SNTB1: variants seen among roughly 807,000 people sequenced by gnomAD.
SNTB1 encodes the protein syntrophin beta 1, also known as beta-1-syntrophin.
In SNTB1, 36 loss-of-function variants were observed where a neutral mutation model predicts 48.9. That is an observed-to-expected ratio of 0.74 (90% CI 0.56 to 0.97). The LOEUF (loss-of-function observed/expected upper bound fraction) is 0.97, where lower values mean the gene tolerates loss of function less well. SNTB1 is among the 50% of genes least tolerant of loss of function. SNTB1 has a pLI of 0.00. For missense variants in SNTB1, 786 were observed against 703.4 expected (o/e 1.12, Z -1.33); for synonymous variants, 299 against 294.6 (o/e 1.01, Z -0.15).
At chr8:120,781,369 C>T (rs550188701) in intron 1 of SNTB1, among the ~76,000 whole-genome samples, 34 of 151,992 alleles carry the variant, frequency 2.2e-4, no homozygotes, top group Admixed American at 1.0e-3. Flanking sequence ...CTGTATTTTG[C>T]CATTTTTTTT....
Position 120,632,640 on chromosome 8 carries a change from A to G in SNTB1, c.800T>C (p.Ile267Thr). Reference sequence around the variant, plus strand: ...CGTGTGCTTAGCATCTGGAGAGTGGATTTCAAGCTGCCTAGAGGAGCACAG... The same window carrying G: ...CGTGTGCTTAGCATCTGGAGAGTGGGTTTCAAGCTGCCTAGAGGAGCACAG... ...LADPENRQLE[I>T]HSPDAKHTVI... The change falls in exon 3 of 7, where the codon ATC (isoleucine) becomes ACC (threonine). Residue 267 changes from isoleucine to threonine, a missense_variant. Ile to Thr is a moderately conservative substitution (Grantham distance 89). Coordinates refer to ENST00000517992, the MANE Select transcript of SNTB1 (RefSeq NM_021021.4). 1 of 1,614,080 alleles carries G rather than the reference A, an allele frequency of 6.2e-7. No homozygotes were observed. Among genetic ancestry groups the G allele is most frequent in the Non-Finnish European group, 8.5e-7 (1 of 1,179,992 alleles).
intron 4 of SNTB1, among the ~76,000 whole-genome samples, chr8:120,564,817 C>T (rs764913614): frequency 6.6e-6 from 1 of 151,652 alleles, no homozygotes; most frequent in Non-Finnish European, 1.5e-5. Context: ...GTGATCCACC[C>T]GCCTCGGCCT....
At chr8:120,543,367 G>T (rs1815323738) in intron 5 of SNTB1, among the ~76,000 whole-genome samples, 1 of 152,104 alleles carries the variant, frequency 6.6e-6, no homozygotes, top group South Asian at 2.1e-4. Flanking sequence ...GATGGGGCTT[G>T]GAGGCATAAG....
At chr8:120,567,186 C>A (rs1197047972) in intron 4 of SNTB1, among the ~76,000 whole-genome samples, 1 of 152,038 alleles carries the variant, frequency 6.6e-6, no homozygotes, top group East Asian at 1.9e-4. Context: ...ATGCGGTAAC[C>A]CTGAGAAACA....
chr8:120,646,668 T>C (rs1222501250), intron 2 of SNTB1, among the ~76,000 whole-genome samples: 2 of 151,864 alleles, frequency 1.3e-5, no homozygotes, highest in Admixed American at 1.3e-4. Flanking sequence ...ATCAGAATGA[T>C]GCTGGCCTCA....
intron 2 of SNTB1, among the ~76,000 whole-genome samples, chr8:120,681,776 C>T (rs1817935117): frequency 6.6e-6 from 1 of 152,140 alleles, no homozygotes; most frequent in African/African-American, 2.4e-5. Context: ...ACATCCCCCT[C>T]CCCACTCCCC....
chr8:120,686,200 C>T (rs1407051546), intron 2 of SNTB1, among the ~76,000 whole-genome samples: 1 of 152,266 alleles, frequency 6.6e-6, no homozygotes, highest in Non-Finnish European at 1.5e-5. Flanking sequence ...ACCCATTACC[C>T]AGTTCCAAAA....
chr8:120,727,948 T>C (rs1818788518), intron 1 of SNTB1, among the ~76,000 whole-genome samples: 1 of 152,226 alleles, frequency 6.6e-6, no homozygotes, highest in African/African-American at 2.4e-5. Flanking sequence ...GGTATTACTA[T>C]GCAGATATTC....
intron 1 of SNTB1, among the ~76,000 whole-genome samples, chr8:120,801,711 C>A (rs769017153): frequency 2.6e-5 from 4 of 152,062 alleles, no homozygotes; most frequent in Non-Finnish European, 2.9e-5. Flanking sequence ...ATCTTAAAAT[C>A]CCTGGAGACT....
intron 2 of SNTB1, among the ~76,000 whole-genome samples, chr8:120,639,885 T>A (rs541431420): frequency 6.6e-6 from 1 of 152,336 alleles, no homozygotes; most frequent in East Asian, 1.9e-4. Context: ...CCATACGAAC[T>A]TTAAAGTAGT....
chr8:120,655,846 A>G (rs1416700296), intron 2 of SNTB1, among the ~76,000 whole-genome samples: 2 of 152,196 alleles, frequency 1.3e-5, no homozygotes, highest in African/African-American at 2.4e-5. Context: ...CAGGAAGTAA[A>G]TGTGCATAGA....
chr8:120,811,114 A>G (rs1034991539), intron 1 of SNTB1, among the ~76,000 whole-genome samples, 159 bp downstream of exon 1: 1 of 140,206 alleles, frequency 7.1e-6, no homozygotes, highest in Non-Finnish European at 1.6e-5. Context: ...CTATGCTGCC[A>G]CCCCCTGCGC....
rs540402295 is a variant in SNTB1, at chr8:120,614,167, A to G, written c.996+18277T>C. Among the ~76,000 whole-genome samples the G allele has an allele frequency of 3.3e-5, 5 of 152,350 alleles. No homozygotes were observed. In the East Asian group the frequency reaches 9.6e-4, roughly 29 times the overall value. On this transcript the variant is annotated intron_variant, in intron 3 of 6. Coordinates refer to ENST00000517992, the MANE Select transcript of SNTB1 (RefSeq NM_021021.4). The stretch of plus-strand genomic sequence containing the variant: ...ACATTCTTAGGGAAATCAGTGCAAT[A>G]CAGTGCAAAGTTATTTATCCTTTCT...
chr8:120,794,173 A>C (rs1820083524), intron 1 of SNTB1, among the ~76,000 whole-genome samples: 1 of 152,038 alleles, frequency 6.6e-6, no homozygotes, highest in South Asian at 2.1e-4. Context: ...AAGAAACTGG[A>C]GAGACTTCGA....
intron 5 of SNTB1, among the ~76,000 whole-genome samples, chr8:120,543,675 G>GA (rs1306559514): frequency 1.3e-5 from 2 of 152,124 alleles, no homozygotes; most frequent in Non-Finnish European, 2.9e-5. Context: ...AGTAGGCGGG[G>GA]AGGCCTCCAA....
chr8:120,591,121 T>C (rs995932780), intron 3 of SNTB1, among the ~76,000 whole-genome samples: 1 of 152,174 alleles, frequency 6.6e-6, no homozygotes, highest in Admixed American at 6.5e-5. Context: ...AGCCTAAAAG[T>C]CAGCATCGTG....
At chr8:120,634,403 C>A (rs1002580197) in intron 2 of SNTB1, among the ~76,000 whole-genome samples, 2 of 151,944 alleles carry the variant, frequency 1.3e-5, no homozygotes, top group Non-Finnish European at 1.5e-5. Context: ...TATTAACCCC[C>A]CTTAACAGAG....
Position 120,811,524 on chromosome 8 carries a change from G to A in SNTB1, c.320C>T (p.Ser107Leu). The change falls in exon 1 of 7, where the codon TCG (serine) becomes TTG (leucine). Residue 107 changes from serine (S) to leucine (L), a missense_variant. Physicochemically the swap from Ser to Leu is moderately radical, Grantham distance 145. Coordinates refer to ENST00000517992, the MANE Select transcript of SNTB1 (RefSeq NM_021021.4). ...DLPEQVPESI[S>L]NQKRGVKVLK... ...CACCTTCACGCCACGCTTCTGGTTCGAGATGGACTCGGGCACCTGCTCGGG... is the reference window on the plus strand; with the variant it reads ...CACCTTCACGCCACGCTTCTGGTTCAAGATGGACTCGGGCACCTGCTCGGG... 1 of 1,612,142 alleles carries A rather than the reference G, an allele frequency of 6.2e-7. No individual in the cohort carries two copies. Among genetic ancestry groups the A allele is most frequent in the African/African-American group, 1.3e-5 (1 of 74,968 alleles).
intron 2 of SNTB1, 120 bp from the exon 3 acceptor site, chr8:120,632,771 C>T (rs1817006355): frequency 3.7e-6 from 3 of 807,486 alleles, no homozygotes; most frequent in East Asian, 2.7e-5. Context: ...CAGTTTCTAA[C>T]GGGATGCCTT....
Sources: allele counts gnomAD v4.1 joint callset (sites outside exome capture counted in the v4.1 genomes callset), GRCh38; gene constraint gnomAD v4.1.1; transcripts MANE v1.5; gene names NCBI Gene and HGNC (gene_info 2026-07-23, HGNC 2026-07-21).